Variants in INSC observed in about 807,000 individuals in gnomAD.
The protein encoded by INSC is protein inscuteable homolog.
INSC carries 67 observed loss-of-function variants against 58.6 expected under a neutral mutation model. That is an observed-to-expected ratio of 1.14 (90% CI 0.94 to 1.40). The LOEUF (loss-of-function observed/expected upper bound fraction) is 1.40, where lower values mean the gene tolerates loss of function less well. INSC is among the 40% of genes most tolerant of loss of function. The pLI is 0.00. For synonymous variants in INSC, 262 were observed against 276.1 expected, an observed-to-expected ratio of 0.95 and a Z score of 0.51; for missense variants, 714 against 692.0, an observed-to-expected ratio of 1.03 and a Z score of -0.36.
chr11:15,160,928 C>T (rs1027223654), intron 2 of INSC, among the ~76,000 whole-genome samples: 9 of 152,208 alleles, frequency 5.9e-5, no homozygotes, highest in Admixed American at 1.3e-4. Flanking sequence ...AGTTTCTCCT[C>T]CTCTGTAAGA....
upstream of INSC, chr11:15,112,478 G>GC: frequency 6.2e-7 from 1 of 1,608,130 alleles, no homozygotes; most frequent in South Asian, 1.1e-5. Context: ...CCATGAGACG[G>GC]CCCCCTGGCA....
chr11:15,200,693 T>G lies in INSC; in HGVS notation c.694-131T>G, dbSNP rs1042600724. The G allele has an allele frequency of 7.9e-5, 87 of 1,094,828 alleles. No individual in the cohort carries two copies. In the East Asian group the frequency reaches 1.4e-3, roughly 17 times the overall value. 67.8% of individuals were successfully genotyped at this position (1,094,828 alleles called of 1,614,324 possible). Reference sequence around the variant, plus strand: ...GCATTTGAGTGTGTGTAAGTGTGTGTGGGGCGGGGGTTGCTGGAGGCAGGG... The same window carrying G: ...GCATTTGAGTGTGTGTAAGTGTGTGGGGGGCGGGGGTTGCTGGAGGCAGGG... On this transcript the variant is annotated intron_variant, in intron 6 of 12. Coordinates refer to ENST00000379556, the MANE Select transcript of INSC (RefSeq NM_001042536.3).
intron 5 of INSC, chr11:15,188,161 G>T: frequency 7.1e-6 from 7 of 985,232 alleles, no homozygotes; most frequent in Non-Finnish European, 7.2e-6. Flanking sequence ...ATACAGGGCA[G>T]ATCCAGAGGG....
intron 9 of INSC, among the ~76,000 whole-genome samples, chr11:15,234,882 C>T (rs1852062374): frequency 6.6e-6 from 1 of 152,130 alleles, no homozygotes; most frequent in Non-Finnish European, 1.5e-5. Context: ...GTTCTTTTCT[C>T]CCTTGACTGT....
chr11:15,263,542 C>CA, the INSC span, among the ~76,000 whole-genome samples: 2 of 152,188 alleles, frequency 1.3e-5, no homozygotes, highest in East Asian at 3.9e-4. Context: ...TTCTTAACAG[C>CA]AAAAATGAAA....
In INSC at chr11:15,178,324, G is replaced by A. The variant is rs745313940; in HGVS notation, c.456G>A (p.Arg152=). ...CCACCCCATGGTTTCTTCTCTTCAG[G>A]TGCCTTCAGGTTGAGAATGAGCATG... is the stretch of plus-strand genomic sequence containing the variant. ...KCSELSAVTE[R]CLQVENEHVL... The change falls in exon 5 of 13, where the codon AGG becomes AGA. Residue 152 remains arginine (R), a splice_region_variant and synonymous_variant. Transcript: ENST00000379556. 8.1e-6 allele frequency: 13 copies of A among 1,613,778 alleles called. No homozygotes were observed. Among genetic ancestry groups the A allele is most frequent in the Non-Finnish European group, 1.1e-5 (13 of 1,180,022 alleles).
At chr11:15,198,603 TAGAG>T (rs1322714255) in intron 6 of INSC, among the ~76,000 whole-genome samples, 3 of 151,986 alleles carry the variant, frequency 2.0e-5, no homozygotes, top group Admixed American at 6.6e-5. Context: ...TCTACATATA[TAGAG>T]AAATAATATT....
downstream of INSC, among the ~76,000 whole-genome samples, chr11:15,250,695 C>T: frequency 6.6e-6 from 1 of 152,154 alleles, no homozygotes; most frequent in Non-Finnish European, 1.5e-5. Flanking sequence ...AAAGAAATTA[C>T]TCTCAAATTT....
the INSC span, among the ~76,000 whole-genome samples, chr11:15,266,549 C>A: frequency 2.0e-5 from 3 of 152,052 alleles, no homozygotes; most frequent in African/African-American, 7.2e-5. Flanking sequence ...TATACCTTGG[C>A]TACTATAGCA....
chr11:15,248,969 C>G (rs1852621666), downstream of INSC, among the ~76,000 whole-genome samples: 2 of 152,220 alleles, frequency 1.3e-5, no homozygotes, highest in South Asian at 4.2e-4. Context: ...AATAGTGTTA[C>G]CAAAGTCCAC....
chr11:15,203,331 T>C (rs1293187289), intron 7 of INSC, among the ~76,000 whole-genome samples: 1 of 152,190 alleles, frequency 6.6e-6, no homozygotes, highest in African/African-American at 2.4e-5. Context: ...GTAGCTTACC[T>C]GGACATTTCT....
intron 6 of INSC, among the ~76,000 whole-genome samples, chr11:15,200,102 A>G (rs1230157382): frequency 6.6e-6 from 1 of 151,962 alleles, no homozygotes; most frequent in Non-Finnish European, 1.5e-5. Context: ...AAGGAAAAGT[A>G]CATGCTCACC....
intron 1 of INSC, among the ~76,000 whole-genome samples, chr11:15,139,773 A>G (rs141536420): frequency 6.6e-6 from 1 of 152,304 alleles, no homozygotes; most frequent in East Asian, 1.9e-4. Context: ...TTCTTAACCA[A>G]CAGAGCTCTG....
chr11:15,193,753 C>T (rs1457545681), intron 6 of INSC, among the ~76,000 whole-genome samples: 1 of 152,154 alleles, frequency 6.6e-6, no homozygotes, highest in Non-Finnish European at 1.5e-5. Flanking sequence ...AATAAACATA[C>T]GTGTGTATGT....
At chr11:15,241,533 A>G in intron 12 of INSC, 1 of 701,734 alleles carries the variant, frequency 1.4e-6, no homozygotes, top group Non-Finnish European at 2.6e-6. Flanking sequence ...ATAAATGTTT[A>G]TGGAATGATT....
chr11:15,249,861 T>C (rs769101233), downstream of INSC, among the ~76,000 whole-genome samples: 2 of 152,234 alleles, frequency 1.3e-5, no homozygotes, highest in Admixed American at 1.3e-4. Context: ...CTATGTGGCC[T>C]TAGGCCTTCA....
intron 7 of INSC, among the ~76,000 whole-genome samples, chr11:15,208,670 T>A (rs1400184895): frequency 6.6e-6 from 1 of 152,184 alleles, no homozygotes; most frequent in Non-Finnish European, 1.5e-5. Context: ...GACTGCGCCT[T>A]TCCCGCCAGG....
chr11:15,140,029 C>T (rs969268398), intron 1 of INSC, among the ~76,000 whole-genome samples: 3 of 152,214 alleles, frequency 2.0e-5, no homozygotes, highest in Admixed American at 6.5e-5. Context: ...AAGGTGAAGA[C>T]AGCCATGGCT....
At chr11:15,224,430 G>T (rs1851554437) in intron 8 of INSC, among the ~76,000 whole-genome samples, 1 of 152,232 alleles carries the variant, frequency 6.6e-6, no homozygotes, top group Non-Finnish European at 1.5e-5. Context: ...GGTGGCATTT[G>T]CTTCAGAACC....
Sources: gnomAD v4.1 joint callset for allele counts (sites outside exome capture counted in the v4.1 genomes callset) on GRCh38, gnomAD v4.1.1 for gene constraint, MANE v1.5 for transcripts, NCBI Gene and HGNC (gene_info 2026-07-23, HGNC 2026-07-21) for gene names.